ALDH1L2: variants seen among roughly 807,000 people sequenced by gnomAD.
ALDH1L2 encodes mitochondrial 10-formyltetrahydrofolate dehydrogenase.
In ALDH1L2, 91 loss-of-function variants were observed where a neutral mutation model predicts 111.0. The ratio of observed to expected loss-of-function variants is 0.82; its 90% confidence interval spans 0.69 to 0.98. The LOEUF is 0.98. Ranked by LOEUF, ALDH1L2 falls within the 50% of genes least tolerant of loss-of-function variation. The pLI is 0.00. For missense variants in ALDH1L2, 995 were observed against 1,126.8 expected, an observed-to-expected ratio of 0.88 and a Z score of 1.67; for synonymous variants, 374 against 392.6, an observed-to-expected ratio of 0.95 and a Z score of 0.56.
intron 17 of ALDH1L2, among the ~76,000 whole-genome samples, chr12:105,038,485 G>A (rs1199006003): frequency 6.6e-6 from 1 of 152,016 alleles, no homozygotes; most frequent in Non-Finnish European, 1.5e-5. Context: ...TGAGCAACAT[G>A]GCAAGACCTC....
intron 16 of ALDH1L2, among the ~76,000 whole-genome samples, chr12:105,040,125 C>CA (rs11284250): frequency 0.12 from 7,002 of 59,088 alleles, 1,218 homozygotes; most frequent in East Asian, 0.15. Flanking sequence ...GACTCCGTCT[C>CA]AAAAAAAAAA....
At chr12:105,045,034 C>T (rs4964325) in intron 15 of ALDH1L2, among the ~76,000 whole-genome samples, 56,901 of 152,048 alleles carry the variant, frequency 0.37, 10,876 homozygotes, top group South Asian at 0.52. Flanking sequence ...AGGTACAATA[C>T]TGCACAGAGG....
chr12:105,046,648 T>G (rs950307539), intron 15 of ALDH1L2, 62 bp downstream of exon 15: 2 of 1,422,996 alleles, frequency 1.4e-6, no homozygotes, highest in African/African-American at 2.9e-5. Context: ...TATATTTCAC[T>G]TTTTTGAAGT....
At chr12:105,046,603 G>T in intron 15 of ALDH1L2, 107 bp downstream of exon 15, 1 of 961,216 alleles carries the variant, frequency 1.0e-6, no homozygotes, top group Non-Finnish European at 1.5e-6. Context: ...TGAGAAAAAT[G>T]CCATACCATC....
chr12:105,054,820 G>A (rs1053198821), intron 10 of ALDH1L2, among the ~76,000 whole-genome samples: 1 of 152,106 alleles, frequency 6.6e-6, no homozygotes, highest in Admixed American at 6.6e-5. Context: ...TGAGTAGCTG[G>A]GACTACAGGC....
chr12:105,047,084 G>A (rs568967771), intron 13 of ALDH1L2, 115 bp from the exon 14 acceptor site: 5 of 1,196,196 alleles, frequency 4.2e-6, no homozygotes, highest in Admixed American at 4.0e-5. Flanking sequence ...TATGAAAAGA[G>A]CGTTTGTTGA....
In ALDH1L2 at chr12:105,070,648, A is replaced by G. The variant is rs201232903; in HGVS notation, c.350T>C (p.Ile117Thr). The G allele has an allele frequency of 2.0e-4, 321 of 1,614,062 alleles. No homozygotes were observed. The highest frequency in any genetic ancestry group is 2.4e-4 in the Non-Finnish European group (285 of 1,180,020). The change falls in exon 3 of 23, where the codon ATT (isoleucine) becomes ACT (threonine). Residue 117 changes from isoleucine to threonine, a missense_variant. Coordinates refer to ENST00000258494, the MANE Select transcript of ALDH1L2 (RefSeq NM_001034173.4). Reference protein sequence around the residue: ...FCTQFIPMDIIDSPKHGSIIY... With the variant: ...FCTQFIPMDITDSPKHGSIIY... ...GATAGAGCCGTGCTTTGGACTATCA[A>G]TTATATCCATGGGAATGAACTGAGT...
chr12:105,058,749 G>A (rs569197939), intron 9 of ALDH1L2, among the ~76,000 whole-genome samples: 1 of 152,264 alleles, frequency 6.6e-6, no homozygotes, highest in South Asian at 2.1e-4. Context: ...TCCACTGTTA[G>A]TTTGTCAAAT....
In ALDH1L2 at chr12:105,050,005, A is replaced by G. The variant is rs1296311669; in HGVS notation, c.1589T>C (p.Leu530Pro). 1.2e-6 allele frequency: 2 copies of G among 1,610,952 alleles called. No homozygotes were observed. Among genetic ancestry groups the G allele is most frequent in the South Asian group, 1.1e-5 (1 of 90,426 alleles). ...CAAGGTATAGACAGCCCCTGAATCA[A>G]GGGCTTCAATAGTTGCCAGCTCTTC... ...NQEELATIEA[L>P]DSGAVYTLAL... Residue 530 changes from leucine to proline, a missense_variant, in exon 13 of 23, where the codon CTT becomes CCT. Coordinates refer to ENST00000258494, the MANE Select transcript of ALDH1L2 (RefSeq NM_001034173.4).
intron 15 of ALDH1L2, among the ~76,000 whole-genome samples, chr12:105,045,731 C>T (rs1875803944): frequency 6.6e-6 from 1 of 152,046 alleles, no homozygotes; most frequent in African/African-American, 2.4e-5. Flanking sequence ...AACAAAATGG[C>T]CGTGGCCACA....
chr12:105,057,808 C>G (rs1386420261), intron 10 of ALDH1L2, among the ~76,000 whole-genome samples: 3 of 152,102 alleles, frequency 2.0e-5, no homozygotes, highest in African/African-American at 4.8e-5. Context: ...AGAATGACTG[C>G]CAATGGGTAC....
chr12:105,060,035 G>T (rs1310394533), intron 9 of ALDH1L2, among the ~76,000 whole-genome samples: 1 of 152,150 alleles, frequency 6.6e-6, no homozygotes, highest in East Asian at 1.9e-4. Flanking sequence ...TGCGATAGAG[G>T]CTTTCTGGGA....
At chr12:105,024,930 A>C (rs374650252) in intron 22 of ALDH1L2, among the ~76,000 whole-genome samples, 33 of 152,350 alleles carry the variant, frequency 2.2e-4, no homozygotes, top group African/African-American at 7.9e-4. Context: ...GGATTATATT[A>C]ATTAAAGCAG....
At chr12:105,061,191 G>T in intron 8 of ALDH1L2, 119 bp from the exon 9 acceptor site, 1 of 850,598 alleles carries the variant, frequency 1.2e-6, no homozygotes, top group Non-Finnish European at 1.9e-6. Flanking sequence ...TGTACATACA[G>T]CTGGATCACA....
chr12:105,070,438 C>G lies in ALDH1L2; in HGVS notation c.428+132G>C, dbSNP rs1877613855. On this transcript the variant is annotated intron_variant, in intron 3 of 22. Transcript: ENST00000258494. ...AAAAAAGTCTCACTGGGTGTTCTGG[C>G]ACAATCCTGAAATCTCAGCTACTTG... The G allele has an allele frequency of 1.6e-5, 12 of 740,692 alleles. No individual in the cohort carries two copies. In the South Asian group the frequency reaches 2.3e-4, roughly 14 times the overall value. 45.9% of individuals were successfully genotyped at this position (740,692 alleles called of 1,614,324 possible).
At chr12:105,058,388 G>A (rs1387026172) in intron 9 of ALDH1L2, among the ~76,000 whole-genome samples, 168 bp from the exon 10 acceptor site, 1 of 152,186 alleles carries the variant, frequency 6.6e-6, no homozygotes, top group African/African-American at 2.4e-5. Context: ...AAGACTAGGG[G>A]CAAGAAATTA....
At chr12:105,069,392 AATGTAAATATTTT>A (rs1877551958) in intron 3 of ALDH1L2, among the ~76,000 whole-genome samples, 1 of 152,248 alleles carries the variant, frequency 6.6e-6, no homozygotes, top group Admixed American at 6.5e-5. Context: ...GCCATGTAAT[AATGTAAATATTTT>A]TTACTTTTGA....
At chr12:105,064,086 G>T (rs1298241762) in intron 6 of ALDH1L2, among the ~76,000 whole-genome samples, 1 of 126,942 alleles carries the variant, frequency 7.9e-6, no homozygotes, top group South Asian at 2.8e-4. Context: ...AAGTAGCTGG[G>T]ATTACAGGCA....
At chr12:105,056,391 A>G (rs1463618132) in intron 10 of ALDH1L2, among the ~76,000 whole-genome samples, 6 of 152,198 alleles carry the variant, frequency 3.9e-5, no homozygotes, top group Non-Finnish European at 7.4e-5. Flanking sequence ...TACCTGGCCT[A>G]CAAAAAGTAC....
Sources: allele counts gnomAD v4.1 joint callset (sites outside exome capture counted in the v4.1 genomes callset), GRCh38; gene constraint gnomAD v4.1.1; transcripts MANE v1.5; gene names NCBI Gene and HGNC (gene_info 2026-07-23, HGNC 2026-07-21).